SUSD5: variants seen among roughly 807,000 people sequenced by gnomAD.
SUSD5 encodes sushi domain-containing protein 5.
Under a neutral mutation model 29.5 loss-of-function variants are expected in SUSD5, and 33 were observed. The ratio of observed to expected loss-of-function variants is 1.12; its 90% confidence interval spans 0.85 to 1.49. SUSD5 has a LOEUF of 1.49. Among genes scored for constraint, SUSD5 ranks in the 40% most tolerant of loss-of-function variants. SUSD5 has a pLI of 0.00. For missense variants in SUSD5, 776 were observed against 800.6 expected (o/e 0.97, Z 0.37); for synonymous variants, 308 against 325.3 (o/e 0.95, Z 0.57).
At chr3:33,166,667 G>A (rs1018190193) in intron 4 of SUSD5, among the ~76,000 whole-genome samples, 1 of 152,118 alleles carries the variant, frequency 6.6e-6, no homozygotes, top group Non-Finnish European at 1.5e-5. Context: ...GCATATAGTA[G>A]GCACTCCATA....
In SUSD5 at chr3:33,214,032, C is replaced by G; in HGVS notation, c.186G>C (p.Lys62Asn). Reference protein sequence around the residue: ...LQLEAARLSCKSRGAHLASAD... With the variant: ...LQLEAARLSCNSRGAHLASAD... ...CAGATGCCAGGTGAGCGCCCCTGCT[C>G]TTGCAGGAAAGCCGAGCAGCCTCCA... The change falls in exon 2 of 5, where the codon AAG becomes AAC. Residue 62 changes from lysine (K) to asparagine (N), a missense_variant. Transcript: ENST00000309558. The G allele has an allele frequency of 6.2e-7, 1 of 1,613,736 alleles. No homozygotes were observed. The highest frequency in any genetic ancestry group is 8.5e-7 in the Non-Finnish European group (1 of 1,179,778).
chr3:33,205,753 C>T (rs2032206716), intron 3 of SUSD5, among the ~76,000 whole-genome samples: 2 of 152,338 alleles, frequency 1.3e-5, no homozygotes, highest in South Asian at 4.1e-4. Context: ...CAGCCAACTC[C>T]TAGAAGCAAG....
rs575822251 is a variant in SUSD5 at position 33,177,901 on chromosome 3, T to C, written c.410-2827A>G. On this transcript the variant is annotated intron_variant, in intron 3 of 4. Transcript: ENST00000309558. The stretch of plus-strand genomic sequence containing the variant: ...TGTTGATTCTTTCAGATTTTGTACA[T>C]AGACAATCATGTTATCTGCAGACAA... 3.3e-5 allele frequency among the ~76,000 whole-genome samples: 5 copies of C among 152,252 alleles called. No homozygotes were observed. The East Asian group carries it at 5.8e-4, about 18-fold the overall frequency.
intron 2 of SUSD5, among the ~76,000 whole-genome samples, chr3:33,209,284 T>A (rs541759278): frequency 6.6e-6 from 1 of 152,314 alleles, no homozygotes; most frequent in East Asian, 1.9e-4. Context: ...GTATTTGTCT[T>A]ACTTGAGCTT....
At chr3:33,193,367 T>C (rs1460350412) in intron 3 of SUSD5, among the ~76,000 whole-genome samples, 1 of 152,064 alleles carries the variant, frequency 6.6e-6, no homozygotes, top group African/African-American at 2.4e-5. Flanking sequence ...CCAAATGAGG[T>C]GCAGAGGGCA....
chr3:33,161,817 T>G (rs930275906), intron 4 of SUSD5, among the ~76,000 whole-genome samples: 1 of 152,154 alleles, frequency 6.6e-6, no homozygotes, highest in Non-Finnish European at 1.5e-5. Flanking sequence ...TACTTAATAA[T>G]ATAGCCTCAA....
chr3:33,213,484 A>G (rs561043897), intron 2 of SUSD5, among the ~76,000 whole-genome samples: 1 of 152,310 alleles, frequency 6.6e-6, no homozygotes, highest in South Asian at 2.1e-4. Context: ...ATGCTTTTGT[A>G]AGTAAACTCA....
chr3:33,192,721 A>C (rs2031917971), intron 3 of SUSD5, among the ~76,000 whole-genome samples: 1 of 151,998 alleles, frequency 6.6e-6, no homozygotes, highest in Non-Finnish European at 1.5e-5. Context: ...AGCCACGAGA[A>C]TCTCTTGAAC....
intron 3 of SUSD5, among the ~76,000 whole-genome samples, chr3:33,201,539 G>A (rs956656064): frequency 6.6e-6 from 1 of 152,230 alleles, no homozygotes; most frequent in African/African-American, 2.4e-5. Flanking sequence ...GAAGCTGGCT[G>A]CTGGTGTATC....
Position 33,153,984 on chromosome 3 carries a change from T to C in SUSD5, c.648A>G (p.Arg216=). 6.2e-7 allele frequency: 1 copy of C among 1,609,516 alleles called. No homozygotes were observed. The highest frequency in any genetic ancestry group is 1.7e-5 in the Admixed American group (1 of 58,576). ...CCATGAGCTCTCTGAATGACACAGA[T>C]CTGTCATCAGGGAAGTTATCTTCAT... is the stretch of plus-strand genomic sequence containing the variant. ...IDYEDNFPDD[R]SVSFRELMED... Residue 216 remains arginine (R), a synonymous_variant, in exon 5 of 5, where the codon AGA becomes AGG. Coordinates refer to ENST00000309558, the MANE Select transcript of SUSD5 (RefSeq NM_015551.2).
At chr3:33,199,387 C>A (rs2032063062) in intron 3 of SUSD5, among the ~76,000 whole-genome samples, 1 of 152,348 alleles carries the variant, frequency 6.6e-6, no homozygotes, top group African/African-American at 2.4e-5. Context: ...CATTCTCCTG[C>A]CTCAGCCTCC....
chr3:33,180,803 G>A lies in SUSD5; in HGVS notation c.410-5729C>T, dbSNP rs116887055. Among the ~76,000 whole-genome samples the A allele has an allele frequency of 1.3e-4, 19 of 151,742 alleles. 1 individual carries two copies. The South Asian group carries it at 1.7e-3, about 13-fold the overall frequency. On this transcript the variant is annotated intron_variant, in intron 3 of 4. Coordinates refer to ENST00000309558, the MANE Select transcript of SUSD5 (RefSeq NM_015551.2). ...TGCAATGAGTCGAGGTTGTGCCACT[G>A]CTCTCCAGCCTCACTGACGGAGCAA... is the stretch of plus-strand genomic sequence containing the variant.
At chr3:33,202,556 AT>A (rs1191297485) in intron 3 of SUSD5, among the ~76,000 whole-genome samples, 3 of 152,296 alleles carry the variant, frequency 2.0e-5, no homozygotes, top group South Asian at 2.1e-4. Context: ...CCTGTCTTAG[AT>A]GGGGAGAAAC....
intron 2 of SUSD5, among the ~76,000 whole-genome samples, chr3:33,212,950 T>G (rs2032348566): frequency 6.6e-6 from 1 of 152,244 alleles, no homozygotes; most frequent in Admixed American, 6.5e-5. Flanking sequence ...TACATATACA[T>G]GCAGATGAGT....
intron 4 of SUSD5, among the ~76,000 whole-genome samples, chr3:33,162,881 C>T (rs1385767049): frequency 6.7e-6 from 1 of 148,822 alleles, no homozygotes; most frequent in Non-Finnish European, 1.5e-5. Flanking sequence ...GGTGCCATTG[C>T]ACTCCAGCCT....
chr3:33,196,790 C>G (rs1465593664), intron 3 of SUSD5, among the ~76,000 whole-genome samples: 1 of 152,100 alleles, frequency 6.6e-6, no homozygotes, highest in African/African-American at 2.4e-5. Context: ...GGCAGGGCAC[C>G]CTAACATGAG....
In SUSD5 at chr3:33,151,562, C is replaced by T. The variant is rs1211148251; in HGVS notation, c.*1180G>A. ...TGAAAACATTTCTTTTTTTTTTCTC[C>T]CGTGTCATTCTCTCTTACTGGAGTT... On this transcript the variant is annotated 3_prime_UTR_variant, in exon 5 of 5. Coordinates refer to ENST00000309558, the MANE Select transcript of SUSD5 (RefSeq NM_015551.2). 6.6e-6 allele frequency: 1 copy of T among 151,558 alleles called. No homozygotes were observed. The highest frequency in any genetic ancestry group is 1.5e-5 in the Non-Finnish European group (1 of 67,888). The allele number at this position is 151,558 out of a possible 1,614,324, so 9.4% of individuals were successfully genotyped here.
chr3:33,207,983 G>T, intron 2 of SUSD5, 57 bp from the exon 3 acceptor site: 2 of 1,318,396 alleles, frequency 1.5e-6, no homozygotes, highest in East Asian at 2.3e-5. Flanking sequence ...AAATAATAAG[G>T]AATAATTCTC....
Position 33,199,994 on chromosome 3 carries a change from C to A in SUSD5, c.409+7814G>T, listed in dbSNP as rs1226861501. Among the ~76,000 whole-genome samples, 3 of 152,304 alleles carry A rather than the reference C, an allele frequency of 2.0e-5. No individual in the cohort carries two copies. In the East Asian group the frequency reaches 5.8e-4, roughly 29 times the overall value. Reference sequence around the variant, plus strand: ...GATGCTGGCACCTTGATATTGGACTCATCAACCTCCAGAACTTTGAGCCAA... The same window carrying A: ...GATGCTGGCACCTTGATATTGGACTAATCAACCTCCAGAACTTTGAGCCAA... On this transcript the variant is annotated intron_variant, in intron 3 of 4. Coordinates refer to ENST00000309558, the MANE Select transcript of SUSD5 (RefSeq NM_015551.2).
Sources: allele counts gnomAD v4.1 joint callset (sites outside exome capture counted in the v4.1 genomes callset), GRCh38; gene constraint gnomAD v4.1.1; transcripts MANE v1.5; gene names NCBI Gene and HGNC (gene_info 2026-07-23, HGNC 2026-07-21).